The following DGCR2 variants were observed in gnomAD, a reference collection of about 807,000 sequenced individuals.
The protein encoded by DGCR2 is integral membrane protein DGCR2/IDD.
In DGCR2, 24 loss-of-function variants were observed where a neutral mutation model predicts 51.6. The ratio of observed to expected loss-of-function variants is 0.47; its 90% CI spans 0.34 to 0.65. The LOEUF is 0.65. Among genes scored for constraint, DGCR2 ranks in the 30% least tolerant of loss-of-function variants. DGCR2 has a pLI of 0.01. For synonymous variants in DGCR2, 340 were observed against 315.4 expected, an observed-to-expected ratio of 1.08 and a Z score of -0.82; for missense variants, 765 against 772.1, an observed-to-expected ratio of 0.99 and a Z score of 0.11.
chr22:19,095,270 G>C (rs1228569482), intron 1 of DGCR2, among the ~76,000 whole-genome samples: 1 of 151,946 alleles, frequency 6.6e-6, no homozygotes, highest in Non-Finnish European at 1.5e-5. Flanking sequence ...GCTGAGGCAG[G>C]AGAATCGCTT....
chr22:19,107,751 G>A (rs527250695), intron 1 of DGCR2, among the ~76,000 whole-genome samples: 2 of 152,144 alleles, frequency 1.3e-5, no homozygotes, highest in Non-Finnish European at 2.9e-5. Flanking sequence ...GGGCAGGAGG[G>A]GCTACATACT....
rs894359190 is a variant in DGCR2, at chr22:19,062,065, T to C, written c.625+1137A>G. ...ATCATGTCTTCTCTTCAACCACCAG[T>C]GTCAGGAGGACAAGCTACCAGGATA... On this transcript the variant is annotated intron_variant, in intron 5 of 9. Coordinates refer to ENST00000263196, the MANE Select transcript of DGCR2 (RefSeq NM_005137.3). Among the ~76,000 whole-genome samples, 9 of 152,298 alleles carry C rather than the reference T, an allele frequency of 5.9e-5. No homozygotes were observed. In the East Asian group the frequency reaches 1.2e-3, roughly 20 times the overall value.
chr22:19,082,362 T>A (rs1409436060), intron 2 of DGCR2, among the ~76,000 whole-genome samples: 1 of 151,482 alleles, frequency 6.6e-6, no homozygotes, highest in African/African-American at 2.4e-5. Context: ...ACCTGGCCTA[T>A]TGGTGTCTTT....
At chr22:19,108,858 C>CA (rs796971188) in intron 1 of DGCR2, among the ~76,000 whole-genome samples, 2,475 of 91,796 alleles carry the variant, frequency 0.027, 59 homozygotes, top group African/African-American at 0.085. Flanking sequence ...CTCATCTTTA[C>CA]AAAAAAAAAA....
intron 1 of DGCR2, among the ~76,000 whole-genome samples, chr22:19,109,631 G>C (rs953802469): frequency 6.6e-6 from 1 of 152,208 alleles, no homozygotes; most frequent in Non-Finnish European, 1.5e-5. Context: ...AGATAAAAGG[G>C]AGGGGTAGTT....
At chr22:19,055,275 A>T (rs1465609643) in intron 6 of DGCR2, among the ~76,000 whole-genome samples, 2 of 152,140 alleles carry the variant, frequency 1.3e-5, no homozygotes, top group African/African-American at 4.8e-5. Context: ...ACATAACCCC[A>T]ATAAAATCCA....
chr22:19,063,993 G>A (rs2082718961), intron 4 of DGCR2, among the ~76,000 whole-genome samples: 2 of 152,222 alleles, frequency 1.3e-5, no homozygotes, highest in Non-Finnish European at 2.9e-5. Context: ...CCCACTCAGA[G>A]CCAGCCCACC....
intron 5 of DGCR2, among the ~76,000 whole-genome samples, chr22:19,062,085 A>G (rs1294639216): frequency 6.6e-6 from 1 of 152,218 alleles, no homozygotes; most frequent in Non-Finnish European, 1.5e-5. Flanking sequence ...ACAAGCTACC[A>G]GGATAATTAT....
chr22:19,103,828 T>A (rs1206405397), intron 1 of DGCR2, among the ~76,000 whole-genome samples: 1 of 149,614 alleles, frequency 6.7e-6, no homozygotes, highest in Non-Finnish European at 1.5e-5. Flanking sequence ...GGAGGGTCAC[T>A]TGAGTCCAAG....
At position 19,101,735 on chromosome 22, in the gene DGCR2, G is replaced by A. The variant is rs1420171980; in HGVS notation, c.80-12245C>T. ...CAGCCTGGGCAACAGGAGCAAAACT[G>A]TTAAAAAAAAAAAAAAAAAAAGTGA... On this transcript the variant is annotated intron_variant, in intron 1 of 9. Transcript: ENST00000263196. 7.1e-5 allele frequency among the ~76,000 whole-genome samples: 5 copies of A among 70,846 alleles called. No homozygotes were observed. The East Asian group carries it at 1.5e-3, about 21-fold the overall frequency. 46.5% of individuals were successfully genotyped at this position (70,846 alleles called of 152,430 possible).
chr22:19,075,644 T>C (rs1439681819), intron 2 of DGCR2, among the ~76,000 whole-genome samples: 1 of 152,214 alleles, frequency 6.6e-6, no homozygotes, highest in Non-Finnish European at 1.5e-5. Context: ...ATCTATGCAT[T>C]TGAGTATCTT....
chr22:19,096,603 A>C (rs1219949229), intron 1 of DGCR2, among the ~76,000 whole-genome samples: 1 of 138,514 alleles, frequency 7.2e-6, no homozygotes. Flanking sequence ...GTTAACAAAA[A>C]ATTTTTTTAA....
chr22:19,090,020 C>G (rs2083061208), intron 1 of DGCR2, among the ~76,000 whole-genome samples: 3 of 152,202 alleles, frequency 2.0e-5, no homozygotes. Context: ...ACATTTAATG[C>G]CTGGCCCTTT....
At chr22:19,055,509 T>C (rs1475749566) in intron 6 of DGCR2, among the ~76,000 whole-genome samples, 5 of 151,744 alleles carry the variant, frequency 3.3e-5, no homozygotes, top group African/African-American at 1.2e-4. Flanking sequence ...GCAAGAAGAG[T>C]TGACTGGGCA....
At chr22:19,083,952 C>T (rs1335085036) in intron 2 of DGCR2, among the ~76,000 whole-genome samples, 1 of 152,188 alleles carries the variant, frequency 6.6e-6, no homozygotes, top group African/African-American at 2.4e-5. Context: ...CAGCTCCTAA[C>T]CTTGAGTGAT....
At chr22:19,080,139 G>A (rs979790074) in intron 2 of DGCR2, among the ~76,000 whole-genome samples, 1 of 152,210 alleles carries the variant, frequency 6.6e-6, no homozygotes, top group Non-Finnish European at 1.5e-5. Flanking sequence ...CATCTGGAGA[G>A]CAGGGCAGAA....
chr22:19,089,471 C>G lies in DGCR2; in HGVS notation c.99G>C (p.Gly33=), dbSNP rs767096193. The G allele has an allele frequency of 1.9e-6, 3 of 1,596,806 alleles. No individual in the cohort carries two copies. The African/African-American group carries it at 4.0e-5, about 21-fold the overall frequency. The change falls in exon 2 of 10, where the codon GGG becomes GGC. Residue 33 remains glycine, a synonymous_variant. Coordinates refer to ENST00000263196, the MANE Select transcript of DGCR2 (RefSeq NM_005137.3). ...PLRPELRCNP[G]QFACRSGTIQ... ...TGGTGCCGCTGCGACACGCAAACTG[C>G]CCAGGGTTGCACCGCAGCTCTGTGG... is the stretch of plus-strand genomic sequence containing the variant.
chr22:19,088,548 C>T (rs1023980391), intron 2 of DGCR2, among the ~76,000 whole-genome samples: 1 of 152,164 alleles, frequency 6.6e-6, no homozygotes, highest in African/African-American at 2.4e-5. Context: ...CAAAGCAGAC[C>T]TAAACCAGCT....
At chr22:19,048,158 G>A (rs1008890194) in intron 7 of DGCR2, 2 of 511,324 alleles carry the variant, frequency 3.9e-6, no homozygotes, top group Non-Finnish European at 7.1e-6. Context: ...GCTGTCAGTG[G>A]TGACTTGTGA....
Sources: allele counts gnomAD v4.1 joint callset (sites outside exome capture counted in the v4.1 genomes callset), GRCh38; gene constraint gnomAD v4.1.1; transcripts MANE v1.5; gene names NCBI Gene and HGNC (gene_info 2026-07-23, HGNC 2026-07-21).